The following ROBO2 variants were observed in gnomAD, a reference collection of about 807,000 sequenced individuals.
ROBO2 encodes the protein roundabout guidance receptor 2.
A neutral mutation model predicts 160.8 loss-of-function variants in ROBO2; 53 were observed. That is an observed-to-expected ratio of 0.33 (90% confidence interval 0.26 to 0.41). The LOEUF (loss-of-function observed/expected upper bound fraction) is 0.41. Ranked by LOEUF, ROBO2 falls within the 10% of genes least tolerant of loss-of-function variation. The pLI is 1.00. For missense variants in ROBO2, 1,577 were observed against 1,722.4 expected, an observed-to-expected ratio of 0.92 and a Z score of 1.49; for synonymous variants, 664 against 611.7, an observed-to-expected ratio of 1.09 and a Z score of -1.26.
At chr3:76,029,353 A>G (rs2066843715) in intron 2 of ROBO2, among the ~76,000 whole-genome samples, 1 of 151,830 alleles carries the variant, frequency 6.6e-6, no homozygotes, top group African/African-American at 2.4e-5. Context: ...ATAATTTAGC[A>G]CTTCTTACAT....
At chr3:76,169,904 C>A (rs145278235) in intron 2 of ROBO2, among the ~76,000 whole-genome samples, 7,465 of 152,128 alleles carry the variant, frequency 0.049, 486 homozygotes, top group African/African-American at 0.15. Context: ...CCTCAGCCTC[C>A]CGAGTAGCTG....
At chr3:76,779,009 A>G (rs2062456765) in intron 2 of ROBO2, among the ~76,000 whole-genome samples, 1 of 151,030 alleles carries the variant, frequency 6.6e-6, no homozygotes, top group African/African-American at 2.4e-5. Flanking sequence ...AACCTGTGGC[A>G]TTTGCAAAAA....
At chr3:76,598,375 C>T (rs1057105295) in intron 2 of ROBO2, among the ~76,000 whole-genome samples, 12 of 151,980 alleles carry the variant, frequency 7.9e-5, no homozygotes, top group Non-Finnish European at 1.3e-4. Context: ...GGAGCTGGAA[C>T]TATATAATGT....
chr3:77,288,415 G>C (rs2060768280), intron 2 of ROBO2, among the ~76,000 whole-genome samples: 1 of 152,158 alleles, frequency 6.6e-6, no homozygotes, highest in Admixed American at 6.5e-5. Flanking sequence ...TGTTCTGACT[G>C]TTTTTCTGGA....
intron 2 of ROBO2, among the ~76,000 whole-genome samples, chr3:77,028,093 C>G (rs187825552): frequency 2.2e-4 from 34 of 152,040 alleles, no homozygotes; most frequent in Admixed American, 1.9e-3. Context: ...TTTCCTTACT[C>G]CTCTTCATAA....
chr3:76,825,297 A>C (rs2066468660), intron 2 of ROBO2, among the ~76,000 whole-genome samples: 2 of 152,194 alleles, frequency 1.3e-5, no homozygotes, highest in Admixed American at 1.3e-4. Context: ...CACACTGGAC[A>C]TGTTGTGAAA....
At chr3:76,070,851 C>G (rs1231236531) in intron 2 of ROBO2, among the ~76,000 whole-genome samples, 1 of 152,104 alleles carries the variant, frequency 6.6e-6, no homozygotes, top group Admixed American at 6.6e-5. Flanking sequence ...AGGGCAGATT[C>G]CCCAATAAAG....
intron 2 of ROBO2, among the ~76,000 whole-genome samples, chr3:76,527,007 T>G (rs554813755): frequency 6.3e-4 from 96 of 152,178 alleles, no homozygotes; most frequent in Non-Finnish European, 1.1e-3. Context: ...GAAAAATGCC[T>G]GGAAAAGGAA....
chr3:77,392,351 C>T (rs2153502010), intron 2 of ROBO2, among the ~76,000 whole-genome samples: 1 of 152,256 alleles, frequency 6.6e-6, no homozygotes, highest in South Asian at 2.1e-4. Context: ...AATTTAGTTA[C>T]GGGTGACAGG....
intron 2 of ROBO2, among the ~76,000 whole-genome samples, chr3:76,120,591 C>G (rs995202313): frequency 2.0e-5 from 3 of 152,116 alleles, no homozygotes; most frequent in Non-Finnish European, 4.4e-5. Flanking sequence ...ATGTCTCTTT[C>G]ATCTCTAAGA....
intron 2 of ROBO2, among the ~76,000 whole-genome samples, chr3:77,333,003 T>G (rs762068890): frequency 8.5e-5 from 13 of 152,206 alleles, no homozygotes; most frequent in Non-Finnish European, 1.9e-4. Context: ...TGGAACCATT[T>G]CCAGTTGGTA....
intron 2 of ROBO2, among the ~76,000 whole-genome samples, chr3:76,323,138 TACACACACACAC>T (rs71874425): frequency 0.014 from 2,012 of 144,038 alleles, 45 homozygotes; most frequent in South Asian, 0.11. Flanking sequence ...TTGTTAGTAT[TACACACACACAC>T]ACACACACAC....
intron 2 of ROBO2, among the ~76,000 whole-genome samples, chr3:76,525,390 A>G (rs1474815627): frequency 3.3e-5 from 5 of 151,946 alleles, no homozygotes; most frequent in African/African-American, 9.7e-5. Context: ...GAAAAATCCC[A>G]TGATATAATT....
chr3:76,905,384 GTAGAGTT>G (rs2075531801), intron 2 of ROBO2, among the ~76,000 whole-genome samples: 1 of 152,162 alleles, frequency 6.6e-6, no homozygotes. Context: ...GGAGACTCGT[GTAGAGTT>G]AAAGAAGGCT....
At chr3:76,604,076 G>C (rs1023152449) in intron 2 of ROBO2, among the ~76,000 whole-genome samples, 1 of 152,100 alleles carries the variant, frequency 6.6e-6, no homozygotes, top group Non-Finnish European at 1.5e-5. Context: ...TATATGAGTA[G>C]ATACTAAGTT....
At chr3:76,490,779 T>C (rs2079775593) in intron 2 of ROBO2, among the ~76,000 whole-genome samples, 1 of 152,228 alleles carries the variant, frequency 6.6e-6, no homozygotes, top group Non-Finnish European at 1.5e-5. Flanking sequence ...GTTATGTGTC[T>C]CTGAGCTTTC....
intron 2 of ROBO2, among the ~76,000 whole-genome samples, chr3:76,170,059 C>T (rs1038533731): frequency 7.2e-5 from 11 of 152,132 alleles, no homozygotes; most frequent in Non-Finnish European, 1.3e-4. Context: ...GGATTACAGG[C>T]GTGAGCCACT....
intron 2 of ROBO2, among the ~76,000 whole-genome samples, chr3:76,122,589 G>A (rs1231337949): frequency 4.6e-5 from 7 of 152,030 alleles, no homozygotes; most frequent in Non-Finnish European, 2.9e-5. Context: ...ATACTTAAAA[G>A]CACATTGTGT....
chr3:77,368,835 G>T (rs2071328596), intron 2 of ROBO2, among the ~76,000 whole-genome samples: 1 of 152,118 alleles, frequency 6.6e-6, no homozygotes, highest in South Asian at 2.1e-4. Flanking sequence ...AAACGTCAAA[G>T]TTGGGTATTT....
Sources: allele counts gnomAD v4.1 joint callset (sites outside exome capture counted in the v4.1 genomes callset), GRCh38; gene constraint gnomAD v4.1.1; transcripts MANE v1.5; gene names NCBI Gene and HGNC (gene_info 2026-07-23, HGNC 2026-07-21).